ZC3H11A: variants seen among roughly 807,000 people sequenced by gnomAD.
ZC3H11A encodes zinc finger CCCH domain-containing protein 11A.
ZC3H11A carries 22 observed loss-of-function variants against 90.8 expected under a neutral mutation model. The observed-to-expected ratio is 0.24, with a 90% CI of 0.17 to 0.35. The LOEUF is 0.35. Ranked by LOEUF, ZC3H11A falls within the 10% of genes least tolerant of loss-of-function variation. The pLI is 1.00. For synonymous variants in ZC3H11A, 294 were observed against 339.8 expected, an observed-to-expected ratio of 0.87 and a Z score of 1.48; for missense variants, 701 against 964.9, an observed-to-expected ratio of 0.73 and a Z score of 3.62.
At chr1:203,847,710 A>C (rs1688260863) in intron 13 of ZC3H11A, 23 bp downstream of exon 13, 1 of 1,603,108 alleles carries the variant, frequency 6.2e-7, no homozygotes, top group African/African-American at 1.3e-5. Flanking sequence ...CTTGGTCTCT[A>C]GTACCACGTC....
Position 203,819,529 on chromosome 1 carries a change from A to ATTTTTT in ZC3H11A, c.174+857_174+862dup, listed in dbSNP as rs755259647. 8.9e-4 allele frequency among the ~76,000 whole-genome samples: 65 copies of ATTTTTT among 72,874 alleles called. 1 individual carries two copies. Among genetic ancestry groups the ATTTTTT allele is most frequent in the African/African-American group, 3.6e-3 (62 of 17,408 alleles). 47.8% of individuals were successfully genotyped at this position (72,874 alleles called of 152,430 possible). A position where few individuals can be genotyped will look rare whatever the true frequency, so the allele number is the denominator to read the frequency against. Reference sequence around the variant, plus strand: ...GAGCCACCGTGCCCAGCTGACTCCAATTTTTTTTTTTTTTTTTTTTTTGAG... The same window carrying ATTTTTT: ...GAGCCACCGTGCCCAGCTGACTCCAATTTTTTTTTTTTTTTTTTTTTTTTTTTTGAG... On this transcript the variant is annotated intron_variant, in intron 4 of 17. Transcript: ENST00000367210.
intron 12 of ZC3H11A, among the ~76,000 whole-genome samples, chr1:203,841,568 C>CAGT (rs1261288121): frequency 8.5e-5 from 13 of 152,358 alleles, no homozygotes; most frequent in African/African-American, 3.1e-4. Flanking sequence ...TACACAGACA[C>CAGT]AGTAACAATC....
chr1:203,849,157 T>C (rs1484391826), intron 14 of ZC3H11A, among the ~76,000 whole-genome samples: 1 of 152,226 alleles, frequency 6.6e-6, no homozygotes, highest in African/African-American at 2.4e-5. Context: ...CGTGTTGGGA[T>C]TACATGTGTG....
rs1310537515 is a variant in ZC3H11A, at chr1:203,838,077, T to C, written c.973+13T>C. On this transcript the variant is annotated intron_variant, in intron 11 of 17. Coordinates refer to ENST00000367210, the MANE Select transcript of ZC3H11A (RefSeq NM_001376342.1). ...ACACCAAAGAAAGGTACCTGTGTTCTTACATACTTTGTGTGTGTATGTAAT... is the reference window on the plus strand; with the variant it reads ...ACACCAAAGAAAGGTACCTGTGTTCCTACATACTTTGTGTGTGTATGTAAT... The C allele has an allele frequency of 1.9e-6, 3 of 1,612,108 alleles. No homozygotes were observed. The African/African-American group carries it at 4.0e-5, about 22-fold the overall frequency.
intron 1 of ZC3H11A, chr1:203,798,057 A>G (rs1371287177): frequency 6.5e-7 from 1 of 1,535,768 alleles, no homozygotes; most frequent in Admixed American, 2.0e-5. Context: ...TCTGCAAGCA[A>G]GGCATTCACC....
At chr1:203,839,452 T>C (rs1393524795) in intron 11 of ZC3H11A, among the ~76,000 whole-genome samples, 2 of 149,308 alleles carry the variant, frequency 1.3e-5, no homozygotes, top group East Asian at 1.9e-4. Context: ...TATTAAAGAA[T>C]AGGTGTTTTT....
chr1:203,834,324 T>C (rs1409592249), intron 10 of ZC3H11A, among the ~76,000 whole-genome samples: 3 of 152,320 alleles, frequency 2.0e-5, no homozygotes, highest in Non-Finnish European at 4.4e-5. Flanking sequence ...CAGGCTGGAG[T>C]GCAGTGGTGC....
In ZC3H11A at chr1:203,801,903, G is replaced by A. The variant is rs1412456909; in HGVS notation, c.-1259G>A. Reference sequence around the variant, plus strand: ...CCAAAAGTTTACCCTTTTACTAACTGGAGTAAATGTATACTTACAAAGTCT... The same window carrying A: ...CCAAAAGTTTACCCTTTTACTAACTAGAGTAAATGTATACTTACAAAGTCT... On this transcript the variant is annotated 5_prime_UTR_variant, in exon 2 of 18. Transcript: ENST00000367210. The A allele has an allele frequency of 6.6e-6, 1 of 152,060 alleles. No homozygotes were observed. The highest frequency in any genetic ancestry group is 1.9e-4 in the East Asian group (1 of 5,162). 9.4% of individuals were successfully genotyped at this position (152,060 alleles called of 1,614,324 possible).
rs1465642919 is a variant in ZC3H11A, at chr1:203,830,165, A to G, written c.662A>G (p.Lys221Arg). ...GGAATAAAAACTCTTGAGGAAATTA[A>G]GTCAAAGAAAATGAAGGAAAAATCT... is the stretch of plus-strand genomic sequence containing the variant. ...NFGIKTLEEI[K>R]SKKMKEKSKK... Residue 221 changes from lysine (K) to arginine (R), a missense_variant, in exon 8 of 18, where the codon AAG (lysine) becomes AGG (arginine). By Grantham distance (26) the Lys-to-Arg change is conservative (BLOSUM62 2). Transcript: ENST00000367210. 1 of 1,599,154 alleles carries G rather than the reference A, an allele frequency of 6.3e-7. No individual in the cohort carries two copies. Among genetic ancestry groups the G allele is most frequent in the Non-Finnish European group, 8.5e-7 (1 of 1,176,520 alleles).
chr1:203,848,931 C>T (rs1688621678), intron 14 of ZC3H11A, among the ~76,000 whole-genome samples: 1 of 152,166 alleles, frequency 6.6e-6, no homozygotes, highest in Admixed American at 6.5e-5. Context: ...GTTGCCCAGG[C>T]TGGAGTGCAG....
In ZC3H11A at chr1:203,808,802, CT is replaced by C. The variant is rs1396973621; in HGVS notation, c.-146+5794del. Among the ~76,000 whole-genome samples, 8 of 152,006 alleles carry C rather than the reference CT, an allele frequency of 5.3e-5. 1 individual carries two copies. The Middle Eastern group carries it at 0.02, about 388-fold the overall frequency. Reference sequence around the variant, plus strand: ...TCGTCGTCGTCATCGCCATCTTCTTCTTTTTTTTCTTCATTATTATCATTAT... The same window carrying C: ...TCGTCGTCGTCATCGCCATCTTCTTCTTTTTTTCTTCATTATTATCATTAT... On this transcript the variant is annotated intron_variant, in intron 2 of 17. Transcript: ENST00000367210.
chr1:203,831,504 A>G (rs1682356615), intron 8 of ZC3H11A, among the ~76,000 whole-genome samples, 157 bp from the exon 9 acceptor site: 1 of 152,208 alleles, frequency 6.6e-6, no homozygotes, highest in African/African-American at 2.4e-5. Flanking sequence ...CCACTACTCC[A>G]TTTGACTGTA....
chr1:203,829,585 G>A lies in ZC3H11A; in HGVS notation c.433G>A (p.Glu145Lys), dbSNP rs778422987. ...GAGCGTTATGAAAGTAGAAAGTTCC[G>A]AAAATGTTCCTAGCCCCACGCATCC... is the stretch of plus-strand genomic sequence containing the variant. ...LRSVMKVESS[E>K]NVPSPTHPPV... Residue 145 changes from glutamate (E) to lysine (K), a missense_variant, in exon 6 of 18, where the codon GAA becomes AAA. Physicochemically the swap from Glu to Lys is moderately conservative, Grantham distance 56 (BLOSUM62 1). Coordinates refer to ENST00000367210, the MANE Select transcript of ZC3H11A (RefSeq NM_001376342.1). 3.1e-6 allele frequency: 5 copies of A among 1,614,124 alleles called. No individual in the cohort carries two copies. Among genetic ancestry groups the A allele is most frequent in the South Asian group, 2.2e-5 (2 of 91,070 alleles).
intron 2 of ZC3H11A, chr1:203,805,926 T>A (rs1382610525): frequency 1.5e-6 from 1 of 661,102 alleles, no homozygotes; most frequent in Non-Finnish European, 2.9e-6. Context: ...CTACCTTCAT[T>A]TCCTTTGCTC....
chr1:203,798,515 A>G, intron 1 of ZC3H11A: 1 of 1,536,150 alleles, frequency 6.5e-7, no homozygotes, highest in Non-Finnish European at 8.7e-7. Flanking sequence ...TTGCAAATGG[A>G]TTAGATGAAG....
At position 203,805,869 on chromosome 1, in the gene ZC3H11A, T is replaced by C. The variant is rs558071947; in HGVS notation, c.-146+2853T>C. 2.5e-5 allele frequency: 21 copies of C among 847,634 alleles called. No homozygotes were observed. The African/African-American group carries it at 3.5e-4, about 14-fold the overall frequency. 52.5% of individuals were successfully genotyped at this position (847,634 alleles called of 1,614,324 possible). On this transcript the variant is annotated intron_variant, in intron 2 of 17. Coordinates refer to ENST00000367210, the MANE Select transcript of ZC3H11A (RefSeq NM_001376342.1). ...CATTTGCATCTTCCATCATGTCCACTAGCTGGTCTTGTAAATTCTCAATCT... is the reference window on the plus strand; with the variant it reads ...CATTTGCATCTTCCATCATGTCCACCAGCTGGTCTTGTAAATTCTCAATCT...
At chr1:203,803,412 A>C (rs1211680159) in intron 2 of ZC3H11A, among the ~76,000 whole-genome samples, 1 of 152,124 alleles carries the variant, frequency 6.6e-6, no homozygotes, top group African/African-American at 2.4e-5. Context: ...GCTGGTCTGG[A>C]ATTCCTGACC....
At chr1:203,826,899 C>T (rs1680702981) in intron 4 of ZC3H11A, among the ~76,000 whole-genome samples, 2 of 152,134 alleles carry the variant, frequency 1.3e-5, no homozygotes, top group Non-Finnish European at 2.9e-5. Context: ...ATTATACTTA[C>T]TTGATCAGCA....
intron 5 of ZC3H11A, 27 bp from the exon 6 acceptor site, chr1:203,829,423 TA>T (rs1296736823): frequency 6.2e-7 from 1 of 1,613,404 alleles, no homozygotes; most frequent in East Asian, 2.2e-5. Flanking sequence ...CTTCTGTTTT[TA>T]ATTTATGACT....
Sources: allele counts gnomAD v4.1 joint callset (sites outside exome capture counted in the v4.1 genomes callset), GRCh38; gene constraint gnomAD v4.1.1; transcripts MANE v1.5; gene names NCBI Gene and HGNC (gene_info 2026-07-23, HGNC 2026-07-21).